Variants in COQ7 observed in about 807,000 individuals in gnomAD.
COQ7 encodes the protein NADPH-dependent 3-demethoxyubiquinone 3-hydroxylase, mitochondrial.
COQ7 carries 21 observed loss-of-function variants against 25.0 expected under a neutral mutation model. That is an observed-to-expected ratio of 0.84 (90% CI 0.60 to 1.21). The LOEUF is 1.21. Among genes scored for constraint, COQ7 ranks in the 50% most tolerant of loss-of-function variants. The pLI, the probability that COQ7 is intolerant of heterozygous loss-of-function variation, is 0.00. For missense variants in COQ7, 311 were observed against 296.2 expected (o/e 1.05, Z -0.37); for synonymous variants, 125 against 112.4 (o/e 1.11, Z -0.71).
At position 19,078,288 on chromosome 16, in the gene COQ7, GTT is replaced by G. The variant is rs34110874; in HGVS notation, c.*142_*143del. ...ATTTTGTTAATAAATTATAAGGTTT[GTT>G]TTTTTTTTTTTAAACTCTGCAGTGT... is the stretch of plus-strand genomic sequence containing the variant. On this transcript the variant is annotated 3_prime_UTR_variant, in exon 6 of 6. Coordinates refer to ENST00000321998, the MANE Select transcript of COQ7 (RefSeq NM_016138.5). The G allele has an allele frequency of 7.3e-4, 374 of 513,234 alleles. No individual in the cohort carries two copies. The highest frequency in any genetic ancestry group is 1.4e-3 in the South Asian group (33 of 24,186). 31.8% of individuals were successfully genotyped at this position (513,234 alleles called of 1,614,324 possible).
intron 1 of COQ7, among the ~76,000 whole-genome samples, chr16:19,069,128 T>C (rs1962413206): frequency 6.6e-6 from 1 of 152,176 alleles, no homozygotes; most frequent in African/African-American, 2.4e-5. Flanking sequence ...CACTGGCATG[T>C]TTCACACTTT....
At chr16:19,077,589 G>GTTTTTTTTTTTT (rs1413837387) in intron 5 of COQ7, among the ~76,000 whole-genome samples, 1 of 18,608 alleles carries the variant, frequency 5.4e-5, no homozygotes, top group African/African-American at 1.0e-4. Context: ...TTCCCCAGAA[G>GTTTTTTTTTTTT]CTTTTTTTTT....
At chr16:19,072,352 C>T (rs1465554835) in intron 2 of COQ7, 7 of 487,438 alleles carry the variant, frequency 1.4e-5, no homozygotes, top group African/African-American at 5.8e-5. Flanking sequence ...TACTCCATGG[C>T]GGGGGCAGGC....
intron 2 of COQ7, 116 bp downstream of exon 2, chr16:19,072,222 G>A: frequency 1.5e-6 from 2 of 1,299,818 alleles, no homozygotes; most frequent in Non-Finnish European, 2.1e-6. Context: ...TTGTCTCCAG[G>A]AGAGCGAAGG....
chr16:19,076,230 A>G (rs1164915311), intron 4 of COQ7, among the ~76,000 whole-genome samples: 1 of 150,262 alleles, frequency 6.7e-6, no homozygotes, highest in African/African-American at 2.4e-5. Flanking sequence ...ATGGGACTAC[A>G]TACATAGCCA....
chr16:19,073,962 T>C lies in COQ7; in HGVS notation c.294T>C (p.Asn98=). The C allele has an allele frequency of 1.9e-6, 3 of 1,613,652 alleles. No individual in the cohort carries two copies. Among genetic ancestry groups the C allele is most frequent in the Non-Finnish European group, 2.5e-6 (3 of 1,179,784 alleles). ...DQEKDHLKKF[N]ELMVTFRVRP... is the part of the protein sequence containing the mutation. ...AAAAGGACCATTTGAAAAAGTTCAA[T>C]GAGTTGATGGTTACGTTCAGGGTCC... The change falls in exon 3 of 6, where the codon AAT becomes AAC. Residue 98 remains asparagine (N), a synonymous_variant. Coordinates refer to ENST00000321998, the MANE Select transcript of COQ7 (RefSeq NM_016138.5).
intron 4 of COQ7, among the ~76,000 whole-genome samples, chr16:19,076,410 T>G (rs1266129993): frequency 6.6e-6 from 1 of 151,798 alleles, no homozygotes; most frequent in Non-Finnish European, 1.5e-5. Context: ...CCTTGTCTCT[T>G]GAGCCCTGTC....
intron 1 of COQ7, among the ~76,000 whole-genome samples, chr16:19,070,090 G>A (rs1354957773): frequency 6.6e-6 from 1 of 152,142 alleles, no homozygotes; most frequent in Admixed American, 6.6e-5. Context: ...GGCCTATGCA[G>A]TCTCTTTAGT....
At chr16:19,074,227 AGTACTTT>A in intron 3 of COQ7, 192 bp downstream of exon 3, 1 of 473,016 alleles carries the variant, frequency 2.1e-6, no homozygotes, top group Non-Finnish European at 3.8e-6. Flanking sequence ...TCTTAATGTC[AGTACTTT>A]AAAAAAAAAG....
intron 5 of COQ7, among the ~76,000 whole-genome samples, chr16:19,077,589 G>GTTTTTTTTTTTTTTTTTT (rs1413837387): frequency 7.0e-4 from 13 of 18,586 alleles, no homozygotes; most frequent in African/African-American, 9.3e-4. Context: ...TTCCCCAGAA[G>GTTTTTTTTTTTTTTTTTT]CTTTTTTTTT....
chr16:19,080,309 T>A (rs1963068724), downstream of COQ7, among the ~76,000 whole-genome samples: 1 of 152,200 alleles, frequency 6.6e-6, no homozygotes, highest in Admixed American at 6.5e-5. Flanking sequence ...AATGAAAGAT[T>A]TTTGTTTGCC....
At chr16:19,074,198 A>G (rs1962713196) in intron 3 of COQ7, 163 bp downstream of exon 3, 2 of 542,112 alleles carry the variant, frequency 3.7e-6, no homozygotes, top group South Asian at 5.1e-5. Flanking sequence ...GTGTGTGGTT[A>G]AATTTATTTA....
Position 19,067,676 on chromosome 16 carries a change from C to G in COQ7, c.12C>G (p.Ala4=). MSC[A]GAAAAPRLWR... is the part of the protein sequence containing the mutation. Reference sequence around the variant, plus strand: ...TTTTAGTTCCGGCAATGAGTTGCGCCGGGGCGGCGGCGGCTCCCCGCCTTT... The same window carrying G: ...TTTTAGTTCCGGCAATGAGTTGCGCGGGGGCGGCGGCGGCTCCCCGCCTTT... The change falls in exon 1 of 6, where the codon GCC becomes GCG. Residue 4 remains alanine, a synonymous_variant. Transcript: ENST00000321998. The G allele has an allele frequency of 1.2e-6, 2 of 1,612,124 alleles. No homozygotes were observed. The highest frequency in any genetic ancestry group is 1.7e-6 in the Non-Finnish European group (2 of 1,179,284).
intron 2 of COQ7, chr16:19,072,353 G>A (rs1307011033): frequency 2.6e-5 from 13 of 499,598 alleles, no homozygotes; most frequent in Non-Finnish European, 4.7e-5. Flanking sequence ...ACTCCATGGC[G>A]GGGGCAGGCA....
chr16:19,072,006 G>A lies in COQ7; in HGVS notation c.152G>A (p.Arg51Gln), dbSNP rs759259843. Reference sequence around the variant, plus strand: ...AATATCAGTCGGGCAGCTGTGGATCGAATAATCCGGGTGGATCATGCAGGC... The same window carrying A: ...AATATCAGTCGGGCAGCTGTGGATCAAATAATCCGGGTGGATCATGCAGGC... ...LDNISRAAVD[R>Q]IIRVDHAGEY... Residue 51 changes from arginine to glutamine, a missense_variant, in exon 2 of 6, where the codon CGA (arginine) becomes CAA (glutamine). By Grantham distance (43) the Arg-to-Gln change is conservative (BLOSUM62 1). Transcript: ENST00000321998. 8 of 1,614,118 alleles carry A rather than the reference G, an allele frequency of 5.0e-6. No individual in the cohort carries two copies. The highest frequency in any genetic ancestry group is 2.2e-5 in the South Asian group (2 of 91,092).
In COQ7 at chr16:19,078,104, G is replaced by A; in HGVS notation, c.600G>A (p.Lys200=). 1.9e-6 allele frequency: 3 copies of A among 1,611,218 alleles called. No individual in the cohort carries two copies. Among genetic ancestry groups the A allele is most frequent in the Non-Finnish European group, 1.7e-6 (2 of 1,178,694 alleles). ...AELAPAYAVL[K]SIIQAGCRVA... ...AGGCTCCAGCCTATGCCGTCCTGAA[G>A]AGCATTATCCAGGCCGGATGCAGAG... Residue 200 remains lysine (K), a synonymous_variant, in exon 6 of 6, where the codon AAG becomes AAA. Transcript: ENST00000321998.
intron 4 of COQ7, among the ~76,000 whole-genome samples, chr16:19,076,254 ATTT>A (rs765074767): frequency 6.6e-5 from 8 of 120,746 alleles, no homozygotes; most frequent in Admixed American, 2.7e-4. Flanking sequence ...CTCACAGCTA[ATTT>A]TTTTTTTTTT....
chr16:19,074,023 G>T lies in COQ7; in HGVS notation c.355G>T (p.Gly119Trp). ...TCTGATGCCCTTGTGGAACGTGCTG[G>T]GGTTTGCACTGGGTACGTGTCTCTC... Reference protein sequence around the residue: ...TVLMPLWNVLGFALGAGTALL... With the variant: ...TVLMPLWNVLWFALGAGTALL... The change falls in exon 3 of 6, where the codon GGG becomes TGG. Residue 119 changes from glycine to tryptophan, a missense_variant. Transcript: ENST00000321998. 1 of 1,612,978 alleles carries T rather than the reference G, an allele frequency of 6.2e-7. No individual in the cohort carries two copies. Among genetic ancestry groups the T allele is most frequent in the Non-Finnish European group, 8.5e-7 (1 of 1,179,468 alleles).
intron 4 of COQ7, among the ~76,000 whole-genome samples, chr16:19,076,806 G>T (rs1344565832): frequency 1.3e-5 from 2 of 152,190 alleles, no homozygotes; most frequent in East Asian, 3.9e-4. Context: ...TGGCCAGGCT[G>T]GTCTGGAACT....
Sources: allele counts gnomAD v4.1 joint callset (sites outside exome capture counted in the v4.1 genomes callset), GRCh38; gene constraint gnomAD v4.1.1; transcripts MANE v1.5; gene names NCBI Gene and HGNC (gene_info 2026-07-23, HGNC 2026-07-21).